CDH18: variants seen among roughly 807,000 people sequenced by gnomAD.
The protein encoded by CDH18 is cadherin 18, also known as cadherin-18.
CDH18 carries 31 observed loss-of-function variants against 67.9 expected under a neutral mutation model. The ratio of observed to expected loss-of-function variants is 0.46; its 90% CI spans 0.34 to 0.62. The LOEUF is 0.62. Among genes scored for constraint, CDH18 ranks in the 20% least tolerant of loss-of-function variants. The pLI is 0.01. For missense variants in CDH18, 890 were observed against 975.5 expected, an observed-to-expected ratio of 0.91 and a Z score of 1.17; for synonymous variants, 362 against 347.2, an observed-to-expected ratio of 1.04 and a Z score of -0.48.
intron 2 of CDH18, among the ~76,000 whole-genome samples, chr5:20,099,197 C>A (rs1294947109): frequency 6.6e-6 from 1 of 152,078 alleles, no homozygotes; most frequent in East Asian, 1.9e-4. Context: ...TCAATTACAC[C>A]AAAATGCTGT....
intron 2 of CDH18, among the ~76,000 whole-genome samples, chr5:19,958,727 C>T (rs1324068131): frequency 6.6e-6 from 1 of 152,166 alleles, no homozygotes; most frequent in Admixed American, 6.5e-5. Context: ...CTGGAATATG[C>T]TTGAACCAGT....
chr5:20,027,108 A>C (rs555574646), intron 2 of CDH18, among the ~76,000 whole-genome samples: 89 of 152,264 alleles, frequency 5.8e-4, no homozygotes, highest in African/African-American at 2.1e-3. Flanking sequence ...TGTTGCTTTT[A>C]TAAATAAATG....
intron 3 of CDH18, among the ~76,000 whole-genome samples, chr5:19,805,731 G>T (rs1183028086): frequency 6.6e-6 from 1 of 151,464 alleles, no homozygotes; most frequent in Non-Finnish European, 1.5e-5. Flanking sequence ...CCTTTCAACA[G>T]ACACAAAGTC....
intron 9 of CDH18, among the ~76,000 whole-genome samples, chr5:19,538,268 C>T (rs892794930): frequency 1.3e-5 from 2 of 152,150 alleles, no homozygotes; most frequent in Non-Finnish European, 2.9e-5. Context: ...TTGAGCCCAC[C>T]TGGACTTCTG....
At chr5:20,107,621 A>G (rs1465597054) in intron 2 of CDH18, among the ~76,000 whole-genome samples, 1 of 152,158 alleles carries the variant, frequency 6.6e-6, no homozygotes, top group Non-Finnish European at 1.5e-5. Context: ...TCTAGTGACT[A>G]CAAGTCCAAC....
intron 4 of CDH18, among the ~76,000 whole-genome samples, chr5:19,724,512 T>TACACACACACACAC (rs34923644): frequency 3.6e-4 from 54 of 148,890 alleles, no homozygotes; most frequent in African/African-American, 1.2e-3. Flanking sequence ...CACACAGACA[T>TACACACACACACAC]ACACACACAC....
At chr5:19,858,134 C>A (rs191904748) in intron 2 of CDH18, among the ~76,000 whole-genome samples, 1 of 152,098 alleles carries the variant, frequency 6.6e-6, no homozygotes, top group Non-Finnish European at 1.5e-5. Context: ...TTTATCAGTA[C>A]ATTTAAGATG....
At chr5:20,553,146 T>A (rs1581191038) in intron 1 of CDH18, among the ~76,000 whole-genome samples, 1 of 152,202 alleles carries the variant, frequency 6.6e-6, no homozygotes, top group East Asian at 1.9e-4. Context: ...AAATATGCTA[T>A]CATATTTGCA....
chr5:19,981,037 T>G (rs900451069), intron 2 of CDH18, 23 bp downstream of exon 2: 2 of 152,204 alleles, frequency 1.3e-5, no homozygotes, highest in African/African-American at 4.8e-5. Context: ...AACTTTATTT[T>G]CATGATAAAT....
chr5:19,728,947 C>CA (rs1369056985), intron 4 of CDH18, among the ~76,000 whole-genome samples: 1 of 152,144 alleles, frequency 6.6e-6, no homozygotes, highest in African/African-American at 2.4e-5. Flanking sequence ...AATAACACTG[C>CA]ATTGTAGTCA....
At chr5:20,498,582 TATG>T (rs1293255934) in intron 1 of CDH18, among the ~76,000 whole-genome samples, 1 of 152,136 alleles carries the variant, frequency 6.6e-6, no homozygotes, top group South Asian at 2.1e-4. Context: ...TCACAGTGAT[TATG>T]ATTTTTCATT....
intron 1 of CDH18, among the ~76,000 whole-genome samples, chr5:20,560,980 AAGAT>A (rs1377830133): frequency 6.6e-6 from 1 of 152,122 alleles, no homozygotes; most frequent in African/African-American, 2.4e-5. Flanking sequence ...CTTAACAAAG[AAGAT>A]AGATAGAAAG....
chr5:20,471,956 A>ATGCT (rs1752121019), intron 1 of CDH18, among the ~76,000 whole-genome samples: 2 of 50 alleles, frequency 0.04, no homozygotes, highest in Non-Finnish European at 0.1. Context: ...GTGTCTGTCT[A>ATGCT]ACTTGGCTTC....
chr5:20,309,017 T>A (rs577859488), intron 1 of CDH18, among the ~76,000 whole-genome samples: 1 of 152,356 alleles, frequency 6.6e-6, no homozygotes, highest in African/African-American at 2.4e-5. Context: ...GCTCTAATCA[T>A]AAATGTTAAA....
At chr5:19,916,141 C>T (rs1397101004) in intron 2 of CDH18, among the ~76,000 whole-genome samples, 13 of 152,124 alleles carry the variant, frequency 8.5e-5, no homozygotes, top group Admixed American at 6.6e-4. Context: ...GGGATCCTTT[C>T]ACCAGAAATC....
At chr5:20,320,494 A>T (rs985956835) in intron 1 of CDH18, among the ~76,000 whole-genome samples, 4 of 152,202 alleles carry the variant, frequency 2.6e-5, no homozygotes, top group Admixed American at 2.6e-4. Context: ...GTTTGGAGCC[A>T]TCATATTTCT....
At chr5:19,894,477 A>G (rs1206263678) in intron 2 of CDH18, among the ~76,000 whole-genome samples, 1 of 152,106 alleles carries the variant, frequency 6.6e-6, no homozygotes, top group Non-Finnish European at 1.5e-5. Flanking sequence ...AGGATTAAGT[A>G]AATGTCTGGC....
chr5:20,205,638 T>C (rs531748231), intron 2 of CDH18, among the ~76,000 whole-genome samples: 12 of 151,634 alleles, frequency 7.9e-5, no homozygotes, highest in East Asian at 1.9e-4. Flanking sequence ...TCTCAACAAA[T>C]TGAAAAAACA....
chr5:19,821,052 C>T (rs1365355361), intron 3 of CDH18, among the ~76,000 whole-genome samples: 1 of 152,114 alleles, frequency 6.6e-6, no homozygotes, highest in Admixed American at 6.5e-5. Context: ...CTTTGGAGTA[C>T]TCTCTTACCT....
Sources: gnomAD v4.1 joint callset for allele counts (sites outside exome capture counted in the v4.1 genomes callset) on GRCh38, gnomAD v4.1.1 for gene constraint, MANE v1.5 for transcripts, NCBI Gene and HGNC (gene_info 2026-07-23, HGNC 2026-07-21) for gene names.